The following CD33 variants were observed in gnomAD, a reference collection of about 807,000 sequenced individuals.
CD33 encodes the protein CD33 molecule, also known as myeloid cell surface antigen CD33.
In CD33, 25 loss-of-function variants were observed where a neutral mutation model predicts 31.4. That is an observed-to-expected ratio of 0.80 (90% confidence interval 0.58 to 1.11). The LOEUF is 1.11. Ranked by LOEUF, CD33 falls within the 50% of genes most tolerant of loss-of-function variation. CD33 has a pLI of 0.00. For missense variants in CD33, 407 were observed against 448.1 expected (o/e 0.91, Z 0.83); for synonymous variants, 176 against 180.6 (o/e 0.97, Z 0.20).
At chr19:51,230,285 A>G (rs1415898900) in intron 4 of CD33, among the ~76,000 whole-genome samples, 4 of 147,906 alleles carry the variant, frequency 2.7e-5, no homozygotes, top group Non-Finnish European at 4.5e-5. Flanking sequence ...GTTCTAACAT[A>G]TGGTCGATCC....
At chr19:51,230,456 C>A (rs368252883) in intron 4 of CD33, among the ~76,000 whole-genome samples, 2 of 152,272 alleles carry the variant, frequency 1.3e-5, no homozygotes, top group East Asian at 3.9e-4. Flanking sequence ...GAGAGTGGGG[C>A]GTTGAAGTCC....
chr19:51,227,732 A>G (rs1325667125), intron 4 of CD33, among the ~76,000 whole-genome samples: 2 of 152,018 alleles, frequency 1.3e-5, no homozygotes, highest in Admixed American at 1.3e-4. Context: ...ATATCATCTC[A>G]TTTATTTACT....
chr19:51,223,722 T>C (rs1290388132), upstream of CD33, among the ~76,000 whole-genome samples: 1 of 152,244 alleles, frequency 6.6e-6, no homozygotes, highest in East Asian at 1.9e-4. Flanking sequence ...GTGTTCTCCC[T>C]TTTGTTTCAC....
At chr19:51,223,599 A>G (rs1346367971), upstream of CD33, among the ~76,000 whole-genome samples, 1 of 152,206 alleles carries the variant, frequency 6.6e-6, no homozygotes, top group Non-Finnish European at 1.5e-5. Context: ...TTTACATGAA[A>G]GAAAATGTTG....
the CD33 span, among the ~76,000 whole-genome samples, chr19:51,215,016 C>T: frequency 1.3e-5 from 2 of 152,090 alleles, no homozygotes; most frequent in African/African-American, 2.4e-5. Context: ...CAACCTCATC[C>T]CACTTTTTTG....
At chr19:51,239,214 C>T (rs1343114671) in intron 6 of CD33, 1 of 202,316 alleles carries the variant, frequency 4.9e-6, no homozygotes, top group African/African-American at 2.3e-5. Flanking sequence ...CTCTCTGAGA[C>T]CTAGTTTCCT....
Position 51,239,950 on chromosome 19 carries a change from G to C in CD33, c.*262G>C, listed in dbSNP as rs1241687194. ...TCTCCATTTTCTTCTCTGTGAAGTAGGTATAAGAAGTCCTATCTCATAGGG... is the reference window on the plus strand; with the variant it reads ...TCTCCATTTTCTTCTCTGTGAAGTACGTATAAGAAGTCCTATCTCATAGGG... On this transcript the variant is annotated 3_prime_UTR_variant, in exon 7 of 7. Transcript: ENST00000262262. The C allele has an allele frequency of 6.6e-6, 2 of 302,116 alleles. No individual in the cohort carries two copies. Among genetic ancestry groups the C allele is most frequent in the Non-Finnish European group, 1.2e-5 (2 of 164,994 alleles). The allele number at this position is 302,116 out of a possible 1,614,324, so 18.7% of individuals were successfully genotyped here. A position where few individuals can be genotyped will look rare whatever the true frequency, so the allele number is the denominator to read the frequency against.
chr19:51,227,077 T>A (rs957164729), intron 4 of CD33, among the ~76,000 whole-genome samples: 3 of 152,092 alleles, frequency 2.0e-5, no homozygotes, highest in Non-Finnish European at 4.4e-5. Flanking sequence ...TGAATGATAA[T>A]CCATTGTGTA....
At chr19:51,234,997 T>G (rs889068833) in intron 4 of CD33, among the ~76,000 whole-genome samples, 160 bp from the exon 5 acceptor site, 1 of 152,074 alleles carries the variant, frequency 6.6e-6, no homozygotes, top group African/African-American at 2.4e-5. Flanking sequence ...GTACTTCATC[T>G]CATGGTCGTG....
At chr19:51,217,784 A>C in the CD33 span, among the ~76,000 whole-genome samples, 3 of 152,238 alleles carry the variant, frequency 2.0e-5, no homozygotes, top group Non-Finnish European at 4.4e-5. Context: ...CTTATACATG[A>C]GAACATATGA....
At chr19:51,219,329 G>A in the CD33 span, among the ~76,000 whole-genome samples, 1 of 152,138 alleles carries the variant, frequency 6.6e-6, no homozygotes, top group East Asian at 1.9e-4. Flanking sequence ...TTAGATTACT[G>A]TTGGTGTATA....
chr19:51,218,560 G>A, the CD33 span, among the ~76,000 whole-genome samples: 8 of 151,938 alleles, frequency 5.3e-5, no homozygotes, highest in Admixed American at 1.3e-4. Flanking sequence ...TTTTTGTTTT[G>A]TTGGATTTGC....
At chr19:51,213,849 TCTTTTTTTTTTTTTC>T in the CD33 span, among the ~76,000 whole-genome samples, 6 of 136,816 alleles carry the variant, frequency 4.4e-5, no homozygotes, top group Non-Finnish European at 9.2e-5. Context: ...TTTTTCTTTT[TCTTTTTTTTTTTTTC>T]CTTTTTTTTT....
chr19:51,214,006 T>C, the CD33 span, among the ~76,000 whole-genome samples: 27 of 145,376 alleles, frequency 1.9e-4, 5 homozygotes, highest in East Asian at 6.4e-4. Flanking sequence ...ATTACAGGCA[T>C]GTACCACCAC....
chr19:51,211,787 A>G, the CD33 span: 12 of 823,576 alleles, frequency 1.5e-5, no homozygotes, highest in East Asian at 2.9e-4. Context: ...CCGTTTCCTC[A>G]CCAGCCCTGA....
intron 4 of CD33, 57 bp from the exon 5 acceptor site, chr19:51,235,100 G>A: frequency 1.4e-6 from 2 of 1,411,978 alleles, no homozygotes; most frequent in Non-Finnish European, 2.0e-6. Flanking sequence ...TGGAGAGGAG[G>A]ATACACATAC....
chr19:51,235,412 C>A, intron 5 of CD33, 159 bp downstream of exon 5: 1 of 1,278,616 alleles, frequency 7.8e-7, no homozygotes. Flanking sequence ...GGGTCTATTC[C>A]AGGGCCCTGA....
chr19:51,225,328 T>C lies in CD33; in HGVS notation c.148T>C (p.Tyr50His). Residue 50 changes from tyrosine to histidine, a missense_variant, in exon 2 of 7, where the codon TAC becomes CAC. Physicochemically the swap from Tyr to His is moderately conservative, Grantham distance 83. Transcript: ENST00000262262. ...CACTTTCTTCCATCCCATACCCTAC[T>C]ACGACAAGAACTCCCCAGTTCATGG... ...PCTFFHPIPY[Y>H]DKNSPVHGYW... 6.2e-7 allele frequency: 1 copy of C among 1,614,144 alleles called. No homozygotes were observed. Among genetic ancestry groups the C allele is most frequent in the South Asian group, 1.1e-5 (1 of 91,086 alleles).
chr19:51,211,865 T>C, the CD33 span: 4 of 1,317,092 alleles, frequency 3.0e-6, no homozygotes, highest in African/African-American at 1.4e-5. Context: ...TGACCTGCTC[T>C]GTGCCCTCGG....
Sources: gnomAD v4.1 joint callset for allele counts (sites outside exome capture counted in the v4.1 genomes callset) on GRCh38, gnomAD v4.1.1 for gene constraint, MANE v1.5 for transcripts, NCBI Gene and HGNC (gene_info 2026-07-23, HGNC 2026-07-21) for gene names.